The following DPPA3 variants were observed in gnomAD, a reference collection of about 807,000 sequenced individuals.
DPPA3 encodes the protein developmental pluripotency-associated protein 3.
A neutral mutation model predicts 15.6 loss-of-function variants in DPPA3; 9 were observed. The observed-to-expected ratio is 0.58, with a 90% CI of 0.35 to 1.01. DPPA3 has a LOEUF of 1.01. DPPA3 is among the 50% of genes least tolerant of loss of function. DPPA3 has a pLI of 0.02. For synonymous variants in DPPA3, 61 were observed against 70.9 expected (o/e 0.86, Z 0.70); for missense variants, 148 against 194.6 (o/e 0.76, Z 1.42).
Position 7,715,436 on chromosome 12 carries a change from A to G in DPPA3, c.327+9A>G, listed in dbSNP as rs1424547495. On this transcript the variant is annotated intron_variant, in intron 2 of 3. Transcript: ENST00000345088. ...TCGGCGGAGTTCGTACGGTATGTTG[A>G]TGTGATGTGGCCGGGGCTGTCCAAT... is the stretch of plus-strand genomic sequence containing the variant. 6.2e-7 allele frequency: 1 copy of G among 1,613,882 alleles called. No individual in the cohort carries two copies. Among genetic ancestry groups the G allele is most frequent in the Admixed American group, 1.7e-5 (1 of 59,980 alleles).
chr12:7,716,982 T>C lies in DPPA3; in HGVS notation c.385T>C (p.Phe129Leu), dbSNP rs1864407851. Residue 129 changes from phenylalanine (F) to leucine (L), a missense_variant, in exon 4 of 4, where the codon TTC becomes CTC. Transcript: ENST00000345088. The part of the protein sequence containing the change: ...PKGVKKESRP[F>L]KCPCSFCVSN... ...TTTTTTTCAGAAGGAATCAAGACCA[T>C]TCAAATGTCCCTGCAGTTTCTGCGT... is the stretch of plus-strand genomic sequence containing the variant. 1 of 1,613,340 alleles carries C rather than the reference T, an allele frequency of 6.2e-7. No homozygotes were observed. Among genetic ancestry groups the C allele is most frequent in the South Asian group, 1.1e-5 (1 of 91,030 alleles).
intron 1 of DPPA3, among the ~76,000 whole-genome samples, chr12:7,712,949 G>C (rs991943665): frequency 6.6e-6 from 1 of 152,200 alleles, no homozygotes; most frequent in Non-Finnish European, 1.5e-5. Flanking sequence ...TGGGAAAATG[G>C]AAGGGAGAGG....
chr12:7,712,522 A>T (rs554980500), intron 1 of DPPA3, among the ~76,000 whole-genome samples: 61 of 152,096 alleles, frequency 4.0e-4, no homozygotes, highest in Non-Finnish European at 7.4e-4. Flanking sequence ...GTGTCGGCTC[A>T]CTGCAACCTC....
intron 1 of DPPA3, among the ~76,000 whole-genome samples, chr12:7,713,117 A>G (rs1443405763): frequency 1.3e-5 from 2 of 152,174 alleles, no homozygotes; most frequent in African/African-American, 2.4e-5. Context: ...TTGGCCACAG[A>G]GGCCCTCCAC....
rs3069565 is a variant in DPPA3 at position 7,711,720 on chromosome 12, CTTTTTTT to C, written c.82+91_82+97del. 1,723 of 340,288 alleles carry C rather than the reference CTTTTTTT, an allele frequency of 5.1e-3. 15 individuals carry two copies. Among genetic ancestry groups the C allele is most frequent in the South Asian group, 0.041 (970 of 23,790 alleles). 21.1% of individuals were successfully genotyped at this position (340,288 alleles called of 1,614,324 possible). On this transcript the variant is annotated intron_variant, in intron 1 of 3. Coordinates refer to ENST00000345088, the MANE Select transcript of DPPA3 (RefSeq NM_199286.4). ...GGTTGGGAGGTCAAAAGGCTGCCGT[CTTTTTTT>C]TTTTTTTTTTTTTTTTTTTTTTAAT... is the stretch of plus-strand genomic sequence containing the variant.
At chr12:7,713,634 T>A (rs1246393446) in intron 1 of DPPA3, among the ~76,000 whole-genome samples, 2 of 152,126 alleles carry the variant, frequency 1.3e-5, no homozygotes, top group Admixed American at 6.6e-5. Context: ...AAATAGAGTT[T>A]GAGTGAAGAG....
At chr12:7,712,526 C>G (rs1335660265) in intron 1 of DPPA3, among the ~76,000 whole-genome samples, 2 of 152,126 alleles carry the variant, frequency 1.3e-5, no homozygotes, top group Non-Finnish European at 2.9e-5. Flanking sequence ...CGGCTCACTG[C>G]AACCTCCGCC....
intron 2 of DPPA3, among the ~76,000 whole-genome samples, chr12:7,715,849 A>G (rs1864393842): frequency 6.6e-6 from 1 of 152,066 alleles, no homozygotes; most frequent in African/African-American, 2.4e-5. Context: ...TGGAAGGCTG[A>G]GGTGGGAGGA....
intron 1 of DPPA3, 66 bp downstream of exon 1, chr12:7,711,718 G>A (rs923775156): frequency 1.8e-6 from 1 of 559,770 alleles, no homozygotes; most frequent in Non-Finnish European, 2.5e-6. Flanking sequence ...AAAGGCTGCC[G>A]TCTTTTTTTT....
At chr12:7,716,110 T>A in intron 2 of DPPA3, 88 bp from the exon 3 acceptor site, 1 of 1,188,224 alleles carries the variant, frequency 8.4e-7, no homozygotes, top group Non-Finnish European at 1.2e-6. Context: ...CTCAACAAAT[T>A]CCCTAGCTTC....
intron 1 of DPPA3, among the ~76,000 whole-genome samples, chr12:7,712,077 G>GGTTATTTTTTTTTTT (rs71038728): frequency 1.3e-5 from 1 of 77,978 alleles, no homozygotes; most frequent in African/African-American, 5.0e-5. Flanking sequence ...CACCGCGCCC[G>GGTTATTTTTTTTTTT]TTTTTTTTTT....
In DPPA3 at chr12:7,715,322, C is replaced by T. The variant is rs774501247; in HGVS notation, c.222C>T (p.Ile74=). 9.3e-6 allele frequency: 15 copies of T among 1,613,868 alleles called. No individual in the cohort carries two copies. The highest frequency in any genetic ancestry group is 1.2e-5 in the Non-Finnish European group (14 of 1,180,004). ...TAGGAGCAGCAGTCCTCAGGGAAAT[C>T]GAAGATGAGTGGCTTTACAGCAGGA... ...ESVGAAVLRE[I]EDEWLYSRRG... The change falls in exon 2 of 4, where the codon ATC becomes ATT. Residue 74 remains isoleucine, a synonymous_variant. Coordinates refer to ENST00000345088, the MANE Select transcript of DPPA3 (RefSeq NM_199286.4).
chr12:7,712,699 G>A (rs1282656024), intron 1 of DPPA3, among the ~76,000 whole-genome samples: 1 of 152,170 alleles, frequency 6.6e-6, no homozygotes, highest in Non-Finnish European at 1.5e-5. Flanking sequence ...GCCCACCTCT[G>A]CCTCCCAAAG....
In DPPA3 at chr12:7,715,318, A is replaced by G; in HGVS notation, c.218A>G (p.Glu73Gly). 1 of 1,614,122 alleles carries G rather than the reference A, an allele frequency of 6.2e-7. No individual in the cohort carries two copies. Among genetic ancestry groups the G allele is most frequent in the Non-Finnish European group, 8.5e-7 (1 of 1,179,998 alleles). The stretch of plus-strand genomic sequence containing the variant: ...TCTGTAGGAGCAGCAGTCCTCAGGG[A>G]AATCGAAGATGAGTGGCTTTACAGC... ...RESVGAAVLR[E>G]IEDEWLYSRR... is the part of the protein sequence containing the mutation. Residue 73 changes from glutamate (E) to glycine (G), a missense_variant, in exon 2 of 4, where the codon GAA becomes GGA. Coordinates refer to ENST00000345088, the MANE Select transcript of DPPA3 (RefSeq NM_199286.4).
At chr12:7,716,081 C>A in intron 2 of DPPA3, 117 bp from the exon 3 acceptor site, 1 of 883,828 alleles carries the variant, frequency 1.1e-6, no homozygotes, top group South Asian at 1.8e-5. Context: ...CCAGCCTGGG[C>A]AACAGAGAAA....
intron 1 of DPPA3, among the ~76,000 whole-genome samples, chr12:7,714,064 T>C (rs974064850): frequency 6.6e-6 from 1 of 151,272 alleles, no homozygotes; most frequent in African/African-American, 2.4e-5. Flanking sequence ...CCTTCTCTAC[T>C]AAAAAATAGA....
At chr12:7,711,831 CTTTA>C (rs1189022135) in intron 1 of DPPA3, among the ~76,000 whole-genome samples, 179 bp downstream of exon 1, 1 of 142,560 alleles carries the variant, frequency 7.0e-6, no homozygotes, top group East Asian at 2.2e-4. Flanking sequence ...AGGTCAAAGA[CTTTA>C]TTAAAAGCGG....
Position 7,711,654 on chromosome 12 carries a change from T to C in DPPA3, c.82+2T>C. On this transcript the variant is annotated splice_donor_variant, in intron 1 of 3. Transcript: ENST00000345088. LOFTEE classifies it high-confidence loss of function. Reference sequence around the variant, plus strand: ...AAGAAAATTCCCGGGACGATTCAGGTAAGCCAGATAATGCCCTTCTTGACT... The same window carrying C: ...AAGAAAATTCCCGGGACGATTCAGGCAAGCCAGATAATGCCCTTCTTGACT... 1.3e-6 allele frequency: 2 copies of C among 1,555,614 alleles called. No homozygotes were observed. Among genetic ancestry groups the C allele is most frequent in the Non-Finnish European group, 1.8e-6 (2 of 1,140,500 alleles).
At chr12:7,716,442 T>C (rs10772662) in intron 3 of DPPA3, among the ~76,000 whole-genome samples, 41,870 of 151,770 alleles carry the variant, frequency 0.28, 6,139 homozygotes, top group Non-Finnish European at 0.32. Flanking sequence ...TCAGAGAAGT[T>C]TTATGTTCAT....
Sources: allele counts gnomAD v4.1 joint callset (sites outside exome capture counted in the v4.1 genomes callset), GRCh38; gene constraint gnomAD v4.1.1; transcripts MANE v1.5; gene names NCBI Gene and HGNC (gene_info 2026-07-23, HGNC 2026-07-21).